Variants in BICD1 observed in about 807,000 individuals in gnomAD.
BICD1 encodes protein bicaudal D homolog 1.
BICD1 carries 35 observed loss-of-function variants against 92.5 expected under a neutral mutation model. The observed-to-expected ratio is 0.38, with a 90% confidence interval of 0.29 to 0.50. The LOEUF (loss-of-function observed/expected upper bound fraction) is 0.50, where lower values mean the gene tolerates loss of function less well. Among genes scored for constraint, BICD1 ranks in the 20% least tolerant of loss-of-function variants. The probability of loss-of-function intolerance (pLI) is 0.93; values close to 1 mark genes in which losing one functional copy is unlikely to be tolerated. For synonymous variants in BICD1, 429 were observed against 465.1 expected (o/e 0.92, Z 1.00); for missense variants, 950 against 1,189.8 (o/e 0.80, Z 2.97).
At chr12:32,202,140 A>G (rs1415289072) in intron 1 of BICD1, among the ~76,000 whole-genome samples, 1 of 152,242 alleles carries the variant, frequency 6.6e-6, no homozygotes, top group African/African-American at 2.4e-5. Flanking sequence ...AAGAAAAACT[A>G]GGAACCTGGG....
intron 1 of BICD1, among the ~76,000 whole-genome samples, chr12:32,132,903 A>T (rs533342443): frequency 2.0e-5 from 3 of 152,154 alleles, no homozygotes; most frequent in African/African-American, 7.2e-5. Context: ...GGTGGCTTAG[A>T]CTGAGAGAGA....
At position 32,380,791 on chromosome 12, in the gene BICD1, C is replaced by A. The variant is rs914604949; in HGVS notation, c.*3164C>A. The A allele has an allele frequency of 7.2e-5, 11 of 151,994 alleles. No homozygotes were observed. The highest frequency in any genetic ancestry group is 7.2e-4 in the Admixed American group (11 of 15,242). 9.4% of individuals were successfully genotyped at this position (151,994 alleles called of 1,614,324 possible). On this transcript the variant is annotated 3_prime_UTR_variant, in exon 10 of 10. Coordinates refer to ENST00000652176, the MANE Select transcript of BICD1 (RefSeq NM_001714.4). ...ACCTATTTAGAAATTATACTTTAGT[C>A]TAACGAAGAGGAGGTACAATAGTAG...
intron 1 of BICD1, among the ~76,000 whole-genome samples, chr12:32,188,841 C>A (rs953764517): frequency 6.6e-6 from 1 of 152,004 alleles, no homozygotes; most frequent in Non-Finnish European, 1.5e-5. Flanking sequence ...GATTTTCCTG[C>A]CTCAGCCTCC....
At position 32,306,503 on chromosome 12, in the gene BICD1, A is replaced by G. The variant is rs997296402; in HGVS notation, c.1005+381A>G. ...TCGTGATCCGCCCGCCTTGGCCTCC[A>G]AAGTGCTGGGATTACAGGCGTGAGC... On this transcript the variant is annotated intron_variant, in intron 4 of 9. Coordinates refer to ENST00000652176, the MANE Select transcript of BICD1 (RefSeq NM_001714.4). 3.3e-5 allele frequency among the ~76,000 whole-genome samples: 5 copies of G among 151,930 alleles called. 1 individual carries two copies. The highest frequency in any genetic ancestry group is 3.3e-4 in the Admixed American group (5 of 15,266).
intron 2 of BICD1, among the ~76,000 whole-genome samples, chr12:32,233,865 G>A (rs1462164193): frequency 1.3e-5 from 2 of 152,112 alleles, no homozygotes; most frequent in East Asian, 3.8e-4. Flanking sequence ...GGTCTAGCCT[G>A]ATTAAGATTC....
At chr12:32,139,817 C>T (rs563357094) in intron 1 of BICD1, among the ~76,000 whole-genome samples, 1 of 152,270 alleles carries the variant, frequency 6.6e-6, no homozygotes, top group East Asian at 1.9e-4. Context: ...GCCTCGGCCT[C>T]CCAAAGCGCT....
chr12:32,225,899 G>A (rs1260376102), intron 2 of BICD1, among the ~76,000 whole-genome samples: 1 of 151,976 alleles, frequency 6.6e-6, no homozygotes, highest in African/African-American at 2.4e-5. Flanking sequence ...TGAGATTTCA[G>A]GCGTGAGCCA....
chr12:32,167,063 C>T (rs1199741737), intron 1 of BICD1, among the ~76,000 whole-genome samples: 2 of 152,194 alleles, frequency 1.3e-5, no homozygotes, highest in African/African-American at 2.4e-5. Context: ...CACCATAACA[C>T]GTATTGCCTT....
chr12:32,245,166 A>T lies in BICD1; in HGVS notation c.426+28707A>T, dbSNP rs148315653. 1.2e-4 allele frequency among the ~76,000 whole-genome samples: 19 copies of T among 152,306 alleles called. No individual in the cohort carries two copies. In the East Asian group the frequency reaches 3.5e-3, roughly 28 times the overall value. ...TTTGAATATCTAGTAGTATTTTAAA[A>T]ATCAGATAACTAGAATTATATAACT... On this transcript the variant is annotated intron_variant, in intron 2 of 9. Transcript: ENST00000652176.
intron 8 of BICD1, among the ~76,000 whole-genome samples, chr12:32,347,783 T>C (rs980715565): frequency 6.6e-6 from 1 of 152,172 alleles, no homozygotes; most frequent in East Asian, 1.9e-4. Flanking sequence ...TAAAACAGTA[T>C]AATGACTTAG....
At chr12:32,188,814 G>A (rs1006966205) in intron 1 of BICD1, among the ~76,000 whole-genome samples, 1 of 151,432 alleles carries the variant, frequency 6.6e-6, no homozygotes, top group Non-Finnish European at 1.5e-5. Flanking sequence ...TGCAACCTCC[G>A]CCTCTGGGGC....
chr12:32,123,372 C>T (rs1477948795), intron 1 of BICD1, among the ~76,000 whole-genome samples: 1 of 152,190 alleles, frequency 6.6e-6, no homozygotes, highest in Non-Finnish European at 1.5e-5. Flanking sequence ...AGAAAAGTCA[C>T]AATGTTCTGC....
chr12:32,182,259 TTTCTTTCTTTCTTTC>T (rs1944290846), intron 1 of BICD1, among the ~76,000 whole-genome samples: 1 of 124,884 alleles, frequency 8.0e-6, no homozygotes, highest in African/African-American at 2.8e-5. Context: ...TGTTTTCTTT[TTTCTTTCTTTCTTTC>T]TTTCTTTTTT....
chr12:32,114,608 C>T (rs1941823042), intron 1 of BICD1, among the ~76,000 whole-genome samples: 2 of 152,066 alleles, frequency 1.3e-5, no homozygotes, highest in Admixed American at 1.3e-4. Flanking sequence ...GTCTAGAACT[C>T]TTGAGCTAAG....
intron 5 of BICD1, chr12:32,332,789 A>T (rs1424772659): frequency 3.4e-6 from 3 of 876,414 alleles, no homozygotes; most frequent in Admixed American, 6.2e-5. Flanking sequence ...GTAGGTAGAG[A>T]GGCTTTGGAG....
intron 1 of BICD1, among the ~76,000 whole-genome samples, chr12:32,171,848 T>C (rs1414844586): frequency 6.6e-6 from 1 of 151,624 alleles, no homozygotes; most frequent in East Asian, 1.9e-4. Flanking sequence ...GCAGGAGAAT[T>C]GCTTGAACCC....
intron 3 of BICD1, among the ~76,000 whole-genome samples, chr12:32,301,056 C>CA (rs1948031553): frequency 6.6e-6 from 1 of 152,120 alleles, no homozygotes; most frequent in African/African-American, 2.4e-5. Context: ...ACACTGAGGG[C>CA]AATCCTTGCT....
At chr12:32,281,929 T>C (rs1451831054) in intron 2 of BICD1, among the ~76,000 whole-genome samples, 1 of 152,098 alleles carries the variant, frequency 6.6e-6, no homozygotes, top group Non-Finnish European at 1.5e-5. Context: ...GACAACATGC[T>C]CTCATGGCTC....
intron 3 of BICD1, among the ~76,000 whole-genome samples, chr12:32,301,766 C>A (rs935306740): frequency 5.3e-5 from 8 of 152,036 alleles, no homozygotes; most frequent in African/African-American, 1.9e-4. Flanking sequence ...CAGAGCAAGA[C>A]CCTGTCACAA....
Sources: allele counts gnomAD v4.1 joint callset (sites outside exome capture counted in the v4.1 genomes callset), GRCh38; gene constraint gnomAD v4.1.1; transcripts MANE v1.5; gene names NCBI Gene and HGNC (gene_info 2026-07-23, HGNC 2026-07-21).